The following ENOX2 variants were observed in gnomAD, a reference collection of about 807,000 sequenced individuals.
ENOX2 encodes the protein ecto-NOX disulfide-thiol exchanger 2, also known as APK1 antigen.
Under a neutral mutation model 45.0 loss-of-function variants are expected in ENOX2, and 36 were observed. That is an observed-to-expected ratio of 0.80 (90% confidence interval 0.61 to 1.06). The LOEUF is 1.06. Ranked by LOEUF, ENOX2 falls within the 50% of genes least tolerant of loss-of-function variation. ENOX2 has a pLI of 0.00. For missense variants in ENOX2, 423 were observed against 462.5 expected (o/e 0.91, Z 0.78); for synonymous variants, 174 against 152.3 (o/e 1.14, Z -1.05).
intron 3 of ENOX2, among the ~76,000 whole-genome samples, chrX:130,780,239 C>T (rs2039940110): frequency 8.9e-6 from 1 of 111,890 alleles, no homozygotes; most frequent in Admixed American, 9.5e-5. Context: ...TATCCAAGGC[C>T]TGCTCCTCTT....
At chrX:130,823,461 T>A (rs1336024109) in intron 2 of ENOX2, among the ~76,000 whole-genome samples, 1 of 111,401 alleles carries the variant, frequency 9.0e-6, no homozygotes, top group African/African-American at 3.3e-5. Context: ...GGAGGCAGCA[T>A]GCAAAAGACA....
chrX:130,656,531 ATGTC>A (rs764082696), intron 10 of ENOX2, 46 bp downstream of exon 10: 1 of 784,461 alleles, frequency 1.3e-6, no homozygotes, highest in Non-Finnish European at 1.9e-6. Flanking sequence ...TGAAAATATC[ATGTC>A]TGCAAGTACA....
At chrX:130,847,746 G>A (rs769309905) in intron 2 of ENOX2, among the ~76,000 whole-genome samples, 2 of 112,432 alleles carry the variant, frequency 1.8e-5, no homozygotes, top group Non-Finnish European at 1.9e-5. Context: ...GACTGACCAT[G>A]ATACAAACTA....
At chrX:130,835,358 T>C (rs192446890) in intron 2 of ENOX2, among the ~76,000 whole-genome samples, 365 of 111,036 alleles carry the variant, frequency 3.3e-3, no homozygotes, top group African/African-American at 0.011. Flanking sequence ...GGTGAGTGAG[T>C]ACTCTTATTG....
chrX:130,818,167 A>T (rs1399674333), intron 2 of ENOX2, among the ~76,000 whole-genome samples: 1 of 111,682 alleles, frequency 9.0e-6, no homozygotes, highest in African/African-American at 3.3e-5. Flanking sequence ...CAATTGCTAC[A>T]AAGAGAATAA....
At chrX:130,678,009 C>A (rs1366863712) in intron 6 of ENOX2, among the ~76,000 whole-genome samples, 1 of 109,065 alleles carries the variant, frequency 9.2e-6, no homozygotes, top group African/African-American at 3.4e-5. Context: ...ATTGCTTGAA[C>A]CCAGGAGGCG....
At chrX:130,704,118 C>A (rs754590211) in intron 3 of ENOX2, among the ~76,000 whole-genome samples, 2 of 111,980 alleles carry the variant, frequency 1.8e-5, no homozygotes, top group East Asian at 2.8e-4. Context: ...CAAGGTCATA[C>A]AGAATGTATA....
intron 2 of ENOX2, among the ~76,000 whole-genome samples, chrX:130,784,322 G>T (rs2076936312): frequency 9.0e-6 from 1 of 111,324 alleles, no homozygotes; most frequent in African/African-American, 3.3e-5. Context: ...ACTCGTCACT[G>T]CTGCACCATA....
intron 10 of ENOX2, chrX:130,645,631 C>T (rs1046809839): frequency 4.0e-5 from 16 of 398,251 alleles, no homozygotes; most frequent in East Asian, 1.7e-4. Context: ...ATGGGGCCCG[C>T]GCCCGCCTGG....
At chrX:130,815,972 C>A (rs765956544) in intron 2 of ENOX2, among the ~76,000 whole-genome samples, 1 of 111,216 alleles carries the variant, frequency 9.0e-6, no homozygotes, top group Admixed American at 9.5e-5. Context: ...AGAGTCAAGA[C>A]CCATCGGTGT....
At chrX:130,711,421 T>G (rs889676315) in intron 3 of ENOX2, among the ~76,000 whole-genome samples, 4 of 110,590 alleles carry the variant, frequency 3.6e-5, no homozygotes, top group Non-Finnish European at 7.6e-5. Flanking sequence ...GGGGCTTTTG[T>G]AGGCTTTTGT....
chrX:130,690,234 T>A, intron 4 of ENOX2, among the ~76,000 whole-genome samples: 1 of 111,551 alleles, frequency 9.0e-6, no homozygotes, highest in Non-Finnish European at 1.9e-5. Flanking sequence ...AAGGAGGAGC[T>A]GCTCTGGACC....
intron 12 of ENOX2, among the ~76,000 whole-genome samples, chrX:130,634,712 C>G (rs1483340626): frequency 9.0e-6 from 1 of 111,615 alleles, no homozygotes; most frequent in Non-Finnish European, 1.9e-5. Context: ...CTCTGGTCGT[C>G]TCCAAGAGAG....
At chrX:130,676,185 A>C (rs1472495476) in intron 6 of ENOX2, among the ~76,000 whole-genome samples, 1 of 111,822 alleles carries the variant, frequency 8.9e-6, no homozygotes, top group African/African-American at 3.3e-5. Flanking sequence ...AAAGCTCTAC[A>C]TAAACCTCAT....
intron 9 of ENOX2, among the ~76,000 whole-genome samples, chrX:130,663,394 G>T (rs1442003595): frequency 4.5e-5 from 5 of 110,652 alleles, no homozygotes; most frequent in Non-Finnish European, 7.6e-5. Context: ...AGCCAGGCAT[G>T]GCGGCGTGTG....
At chrX:130,680,936 G>A (rs1287505898) in intron 5 of ENOX2, among the ~76,000 whole-genome samples, 2 of 112,199 alleles carry the variant, frequency 1.8e-5, no homozygotes, top group Non-Finnish European at 3.8e-5. Flanking sequence ...TCTCTGTCTT[G>A]TTGGTGTGGC....
chrX:130,647,473 G>T (rs1381250721), intron 10 of ENOX2, among the ~76,000 whole-genome samples: 1 of 112,260 alleles, frequency 8.9e-6, no homozygotes, highest in East Asian at 2.8e-4. Flanking sequence ...CTTAGAGAAT[G>T]CTGCATGTGT....
chrX:130,807,282 A>T (rs1353837841), intron 2 of ENOX2, among the ~76,000 whole-genome samples: 1 of 112,225 alleles, frequency 8.9e-6, no homozygotes, highest in East Asian at 2.8e-4. Context: ...TAAAATGATG[A>T]ACTGATTATC....
chrX:130,835,854 C>G (rs2148493612), intron 2 of ENOX2, among the ~76,000 whole-genome samples: 1 of 112,604 alleles, frequency 8.9e-6, no homozygotes, highest in East Asian at 2.8e-4. Context: ...TTGCAGATAA[C>G]TTACACCGAA....
Sources: gnomAD v4.1 joint callset for allele counts (sites outside exome capture counted in the v4.1 genomes callset) on GRCh38, gnomAD v4.1.1 for gene constraint, MANE v1.5 for transcripts, NCBI Gene and HGNC (gene_info 2026-07-23, HGNC 2026-07-21) for gene names.